Variants in THEMIS observed in about 807,000 individuals in gnomAD.
THEMIS encodes the protein thymocyte selection associated.
A neutral mutation model predicts 52.6 loss-of-function variants in THEMIS; 37 were observed. The ratio of observed to expected loss-of-function variants is 0.70; its 90% CI spans 0.54 to 0.93. The LOEUF (loss-of-function observed/expected upper bound fraction) is 0.93. Among genes scored for constraint, THEMIS ranks in the 40% least tolerant of loss-of-function variants. THEMIS has a pLI of 0.00. For missense variants in THEMIS, 808 were observed against 763.1 expected (o/e 1.06, Z -0.69); for synonymous variants, 292 against 272.7 (o/e 1.07, Z -0.70).
intron 4 of THEMIS, among the ~76,000 whole-genome samples, chr6:127,778,549 T>C (rs1776639341): frequency 6.6e-6 from 1 of 152,144 alleles, no homozygotes; most frequent in African/African-American, 2.4e-5. Context: ...ATCTACTTAT[T>C]GGATAAATTT....
At chr6:127,742,359 AAC>A (rs1243420089) in intron 4 of THEMIS, among the ~76,000 whole-genome samples, 6 of 150,472 alleles carry the variant, frequency 4.0e-5, no homozygotes, top group African/African-American at 7.3e-5. Context: ...AAAACAAAAA[AAC>A]AAAACAAAAC....
intron 2 of THEMIS, among the ~76,000 whole-genome samples, chr6:127,845,052 G>GT (rs1370774471): frequency 2.7e-5 from 4 of 147,638 alleles, no homozygotes; most frequent in South Asian, 2.2e-4. Context: ...TCAAATTTTA[G>GT]TAAAAAAAAA....
At chr6:127,881,715 T>C (rs1396097855) in intron 1 of THEMIS, among the ~76,000 whole-genome samples, 1 of 151,942 alleles carries the variant, frequency 6.6e-6, no homozygotes, top group Non-Finnish European at 1.5e-5. Flanking sequence ...GTTTATTTGC[T>C]TGTTTTTAAT....
rs528469449 is a variant in THEMIS, at chr6:127,789,172, A to G, written c.1758+23711T>C. On this transcript the variant is annotated intron_variant, in intron 4 of 5. Coordinates refer to ENST00000368248, the MANE Select transcript of THEMIS (RefSeq NM_001010923.3). ...AAGAGAGAAGAATCAAATAGACACA[A>G]TAAAAAATGATAAAGGGGATATCTC... Among the ~76,000 whole-genome samples the G allele has an allele frequency of 5.3e-5, 8 of 152,304 alleles. No individual in the cohort carries two copies. The South Asian group carries it at 1.4e-3, about 28-fold the overall frequency.
Position 127,829,923 on chromosome 6 carries a change from T to C in THEMIS, c.262A>G (p.Ile88Val). ...LPMNFPGLFK[I>V]VADKTPYLTM... ...AGGTATGGAGTTTTATCAGCCACAA[T>C]CTTAAAAAGACCTAAGAACAGAATT... The change falls in exon 3 of 6, where the codon ATT (isoleucine) becomes GTT (valine). Residue 88 changes from isoleucine (I) to valine (V), a missense_variant. Ile to Val is a conservative substitution (Grantham distance 29, BLOSUM62 3). Coordinates refer to ENST00000368248, the MANE Select transcript of THEMIS (RefSeq NM_001010923.3). 6.2e-7 allele frequency: 1 copy of C among 1,608,052 alleles called. No individual in the cohort carries two copies. Among genetic ancestry groups the C allele is most frequent in the South Asian group, 1.1e-5 (1 of 90,166 alleles).
chr6:127,698,771 A>T, the THEMIS span, among the ~76,000 whole-genome samples: 1 of 151,976 alleles, frequency 6.6e-6, no homozygotes, highest in Non-Finnish European at 1.5e-5. Context: ...AATAGAAAGA[A>T]ATTTCTCTAC....
intron 4 of THEMIS, among the ~76,000 whole-genome samples, chr6:127,734,620 T>C (rs538483170): frequency 1.3e-5 from 2 of 151,964 alleles, no homozygotes; most frequent in South Asian, 4.1e-4. Flanking sequence ...CCTGTAATCC[T>C]AGCACTTTGG....
At chr6:127,738,099 G>A (rs1775068231) in intron 4 of THEMIS, among the ~76,000 whole-genome samples, 1 of 151,962 alleles carries the variant, frequency 6.6e-6, no homozygotes, top group African/African-American at 2.4e-5. Context: ...ATCCTACCCT[G>A]GCCTAAGGTC....
chr6:127,733,457 C>T (rs1267348666), intron 4 of THEMIS, among the ~76,000 whole-genome samples: 2 of 152,142 alleles, frequency 1.3e-5, no homozygotes, highest in Non-Finnish European at 2.9e-5. Context: ...AATCTGCAGC[C>T]TAACAATTCG....
intron 4 of THEMIS, among the ~76,000 whole-genome samples, chr6:127,747,028 AG>A (rs549595318): frequency 0.021 from 876 of 41,446 alleles, 18 homozygotes; most frequent in South Asian, 0.039. Context: ...AATTATATAT[AG>A]ATATAATTAT....
At chr6:127,795,323 GTAT>G (rs1047784582) in intron 4 of THEMIS, among the ~76,000 whole-genome samples, 1 of 151,898 alleles carries the variant, frequency 6.6e-6, no homozygotes. Context: ...CACCAGATTT[GTAT>G]TATTATTATT....
chr6:127,738,425 T>C (rs992842979), intron 4 of THEMIS, among the ~76,000 whole-genome samples: 1 of 152,202 alleles, frequency 6.6e-6, no homozygotes, highest in Non-Finnish European at 1.5e-5. Context: ...CAGTTGAAAC[T>C]GAGAAAGTTC....
intron 4 of THEMIS, among the ~76,000 whole-genome samples, chr6:127,800,875 C>T (rs1160596738): frequency 6.6e-6 from 1 of 152,106 alleles, no homozygotes; most frequent in Non-Finnish European, 1.5e-5. Context: ...TATTGTGGGA[C>T]CTATATTCCA....
In THEMIS at chr6:127,738,802, A is replaced by C. The variant is rs145603210; in HGVS notation, c.1759-18979T>G. Among the ~76,000 whole-genome samples, 117 of 152,300 alleles carry C rather than the reference A, an allele frequency of 7.7e-4. 2 individuals carry two copies. The East Asian group carries it at 0.022, about 28-fold the overall frequency. Reference sequence around the variant, plus strand: ...TTTTCTGTCTAGGACATTTCTGTACAATTTCAAAATGCCTGGAATATATAT... The same window carrying C: ...TTTTCTGTCTAGGACATTTCTGTACCATTTCAAAATGCCTGGAATATATAT... On this transcript the variant is annotated intron_variant, in intron 4 of 5. Transcript: ENST00000368248.
chr6:127,803,934 T>TA (rs1777618460), intron 4 of THEMIS, among the ~76,000 whole-genome samples: 1 of 152,162 alleles, frequency 6.6e-6, no homozygotes, highest in African/African-American at 2.4e-5. Flanking sequence ...GAACTCTCCT[T>TA]AAAAAATGAC....
At chr6:127,809,146 C>G (rs1583300915) in intron 4 of THEMIS, among the ~76,000 whole-genome samples, 1 of 152,246 alleles carries the variant, frequency 6.6e-6, no homozygotes, top group East Asian at 1.9e-4. Context: ...TATTTAAACT[C>G]TGAATAACTC....
intron 3 of THEMIS, among the ~76,000 whole-genome samples, chr6:127,828,135 C>T (rs1296694232): frequency 1.3e-5 from 2 of 152,078 alleles, no homozygotes; most frequent in African/African-American, 2.4e-5. Context: ...TTCTTGCTTC[C>T]TAATTTATTA....
intron 4 of THEMIS, among the ~76,000 whole-genome samples, chr6:127,779,878 T>C (rs541545267): frequency 3.3e-5 from 5 of 152,212 alleles, no homozygotes; most frequent in Non-Finnish European, 7.3e-5. Context: ...AATTTCTGTT[T>C]CATAAAGAAC....
At chr6:127,760,460 T>G (rs1288598571) in intron 4 of THEMIS, among the ~76,000 whole-genome samples, 1 of 152,178 alleles carries the variant, frequency 6.6e-6, no homozygotes, top group Non-Finnish European at 1.5e-5. Context: ...AATCTGTATT[T>G]CATTTTGGGT....
Sources: allele counts gnomAD v4.1 joint callset (sites outside exome capture counted in the v4.1 genomes callset), GRCh38; gene constraint gnomAD v4.1.1; transcripts MANE v1.5; gene names NCBI Gene and HGNC (gene_info 2026-07-23, HGNC 2026-07-21).